ZC3H3: variants seen among roughly 807,000 people sequenced by gnomAD.
ZC3H3 encodes the protein zinc finger CCCH-type containing 3, also known as zinc finger CCCH domain-containing protein 3.
Under a neutral mutation model 77.3 loss-of-function variants are expected in ZC3H3, and 36 were observed. That is an observed-to-expected ratio of 0.47 (90% CI 0.36 to 0.61). ZC3H3 has a LOEUF of 0.61. ZC3H3 is among the 20% of genes least tolerant of loss of function. The pLI, the probability that ZC3H3 is intolerant of heterozygous loss-of-function variation, is 0.00. For missense variants in ZC3H3, 1,331 were observed against 1,312.2 expected, an observed-to-expected ratio of 1.01 and a Z score of -0.22; for synonymous variants, 626 against 555.2, an observed-to-expected ratio of 1.13 and a Z score of -1.79.
intron 3 of ZC3H3, among the ~76,000 whole-genome samples, chr8:143,522,764 G>A (rs1423201976): frequency 6.6e-6 from 1 of 152,024 alleles, no homozygotes; most frequent in Non-Finnish European, 1.5e-5. Flanking sequence ...ACAAAAAAAA[G>A]AAATACAAAA....
At chr8:143,488,515 C>T (rs1014451687) in intron 4 of ZC3H3, among the ~76,000 whole-genome samples, 6 of 151,434 alleles carry the variant, frequency 4.0e-5, no homozygotes, top group South Asian at 2.1e-4. Flanking sequence ...CCCATCACCA[C>T]GAAGCTCAGA....
chr8:143,530,072 C>T lies in ZC3H3; in HGVS notation c.1561+6185G>A, dbSNP rs775280470. The stretch of plus-strand genomic sequence containing the variant: ...TGAGGGACGGGTAGGAATCGCCCTC[C>T]GTGTGTACAGCAAGCTCTGGGCCAG... On this transcript the variant is annotated intron_variant, in intron 3 of 11. Coordinates refer to ENST00000262577, the MANE Select transcript of ZC3H3 (RefSeq NM_015117.3). This position sits in a 1 kb window ranked among gnomAD's most constrained non-coding sequence, Gnocchi z 4.3. Among the ~76,000 whole-genome samples the T allele has an allele frequency of 2.6e-5, 4 of 152,334 alleles. No homozygotes were observed. The highest frequency in any genetic ancestry group is 6.5e-5 in the Admixed American group (1 of 15,310).
intron 4 of ZC3H3, among the ~76,000 whole-genome samples, chr8:143,507,234 T>C (rs59407222): frequency 6.4e-4 from 98 of 152,152 alleles, no homozygotes; most frequent in Non-Finnish European, 6.5e-4. Context: ...CCTCCCAGCC[T>C]GCATCGAGGT....
chr8:143,439,410 C>T (rs1015811718), intron 11 of ZC3H3, among the ~76,000 whole-genome samples: 1 of 152,184 alleles, frequency 6.6e-6, no homozygotes, highest in Non-Finnish European at 1.5e-5. Context: ...CGCCGAGCTG[C>T]GTGGGGTTTA....
chr8:143,446,070 A>C (rs1271595276), intron 9 of ZC3H3, among the ~76,000 whole-genome samples: 2 of 152,192 alleles, frequency 1.3e-5, no homozygotes, highest in Admixed American at 6.5e-5. Flanking sequence ...TCACGACAGG[A>C]GGGAGGGCTG....
At chr8:143,449,060 T>G (rs73367875) in intron 9 of ZC3H3, among the ~76,000 whole-genome samples, 3,312 of 152,290 alleles carry the variant, frequency 0.022, 114 homozygotes, top group African/African-American at 0.074. Context: ...ACGCAGATCC[T>G]GGGGCTGTGC....
In ZC3H3 at chr8:143,538,718, G is replaced by A. The variant is rs560861663; in HGVS notation, c.649C>T (p.Arg217Trp). 33 of 1,609,344 alleles carry A rather than the reference G, an allele frequency of 2.1e-5. No homozygotes were observed. Among genetic ancestry groups the A allele is most frequent in the Middle Eastern group, 1.7e-4 (1 of 6,060 alleles). ...GCAATCACACTCTCACTGACTGTCC[G>A]GCGGGGCTCCCGGGGGCTGTCGCCC... is the stretch of plus-strand genomic sequence containing the variant. ...SVGDSPREPR[R>W]TVSESVIAVK... The change falls in exon 2 of 12, where the codon CGG becomes TGG. Residue 217 changes from arginine (R) to tryptophan (W), a missense_variant. This residue lies in a region of ZC3H3 where 978 missense variants were observed against 915.5 expected (regional missense o/e 1.07). Transcript: ENST00000262577.
intron 3 of ZC3H3, among the ~76,000 whole-genome samples, chr8:143,512,155 G>A (rs1399684361): frequency 6.6e-6 from 1 of 152,242 alleles, no homozygotes; most frequent in Non-Finnish European, 1.5e-5. Flanking sequence ...AGCGAGCAGG[G>A]AAGGGGCTAG....
intron 1 of ZC3H3, 29 bp downstream of exon 1, chr8:143,541,347 A>C: frequency 1.9e-6 from 3 of 1,604,958 alleles, no homozygotes; most frequent in Non-Finnish European, 2.5e-6. Context: ...AAAGAAGGGG[A>C]CTCGCGTCCC....
intron 3 of ZC3H3, among the ~76,000 whole-genome samples, chr8:143,532,602 C>T (rs892324691): frequency 6.6e-6 from 1 of 152,258 alleles, no homozygotes; most frequent in Admixed American, 6.5e-5. Context: ...CTTGGCCACC[C>T]GGGAGGGCTG....
chr8:143,537,755 C>T (rs1237663496), intron 2 of ZC3H3, among the ~76,000 whole-genome samples: 2 of 152,192 alleles, frequency 1.3e-5, no homozygotes, highest in South Asian at 2.1e-4. Flanking sequence ...TGTCTCTCAC[C>T]GGCAGGAGAA....
At chr8:143,537,920 G>C (rs1020754075) in intron 2 of ZC3H3, 83 bp downstream of exon 2, 4 of 1,332,300 alleles carry the variant, frequency 3.0e-6, no homozygotes, top group Non-Finnish European at 4.1e-6. Flanking sequence ...GCAAAGCTCC[G>C]AGCTCAGCAG....
Position 143,448,091 on chromosome 8 carries a change from G to A in ZC3H3, c.2308-6971C>T, listed in dbSNP as rs527716672. 1.3e-4 allele frequency among the ~76,000 whole-genome samples: 19 copies of A among 151,874 alleles called. No individual in the cohort carries two copies. The East Asian group carries it at 1.7e-3, about 14-fold the overall frequency. On this transcript the variant is annotated intron_variant, in intron 9 of 11. Coordinates refer to ENST00000262577, the MANE Select transcript of ZC3H3 (RefSeq NM_015117.3). The stretch of plus-strand genomic sequence containing the variant: ...CGGTGAGCTGAGAGAGTGCCATTGC[G>A]CTCCAGCCTGGGCAAAAAGAGTGAA...
intron 3 of ZC3H3, among the ~76,000 whole-genome samples, chr8:143,519,737 T>G (rs1384702442): frequency 6.6e-6 from 1 of 152,170 alleles, no homozygotes; most frequent in Non-Finnish European, 1.5e-5. Flanking sequence ...TCAGGCCACC[T>G]GGGGACAACA....
chr8:143,511,841 G>C (rs1821878990), intron 3 of ZC3H3, among the ~76,000 whole-genome samples: 1 of 152,256 alleles, frequency 6.6e-6, no homozygotes, highest in African/African-American at 2.4e-5. Context: ...TGGGCTGCCA[G>C]CCCGAGAAAA....
In ZC3H3 at chr8:143,494,630, A is replaced by AG. The variant is rs1289483056; in HGVS notation, c.1715+13115dup. 6.6e-6 allele frequency among the ~76,000 whole-genome samples: 1 copy of AG among 151,500 alleles called. No individual in the cohort carries two copies. Among genetic ancestry groups the AG allele is most frequent in the Non-Finnish European group, 1.5e-5 (1 of 67,912 alleles). On this transcript the variant is annotated intron_variant, in intron 4 of 11. Coordinates refer to ENST00000262577, the MANE Select transcript of ZC3H3 (RefSeq NM_015117.3). The surrounding 1 kb of genome is among the most constrained non-coding windows in gnomAD (Gnocchi z 5.3). ...CAGGAGGGAAGCGGCAGGTCGGGGG[A>AG]GGGGGGTGCTGTGGGCAGACACACG...
At position 143,521,718 on chromosome 8, in the gene ZC3H3, C is replaced by A. The variant is rs529776948; in HGVS notation, c.1562-13819G>T. On this transcript the variant is annotated intron_variant, in intron 3 of 11. Coordinates refer to ENST00000262577, the MANE Select transcript of ZC3H3 (RefSeq NM_015117.3). ...TGAGGCCAGGACTCAGCCCCTCCCC[C>A]ACCAGTGCACCTGCCTGGGGCTCTC... Among the ~76,000 whole-genome samples the A allele has an allele frequency of 1.4e-4, 22 of 152,348 alleles. 1 individual carries two copies. In the South Asian group the frequency reaches 1.9e-3, roughly 13 times the overall value.
At chr8:143,473,339 CT>C (rs1253747705) in intron 5 of ZC3H3, among the ~76,000 whole-genome samples, 2 of 152,200 alleles carry the variant, frequency 1.3e-5, no homozygotes, top group African/African-American at 4.8e-5. Flanking sequence ...CAGTTTTCAG[CT>C]CATGAGAAAG....
intron 4 of ZC3H3, among the ~76,000 whole-genome samples, chr8:143,489,488 C>T (rs572356411): frequency 3.3e-5 from 5 of 152,230 alleles, no homozygotes; most frequent in East Asian, 1.9e-4. Context: ...CCCCGCCCAC[C>T]GCCCTGGCCA....
Sources: gnomAD v4.1 joint callset for allele counts (sites outside exome capture counted in the v4.1 genomes callset) on GRCh38, gnomAD v4.1.1 for gene constraint, gnomAD v4.1.1 regional missense constraint, Gnocchi (gnomAD v3.1) non-coding constraint, MANE v1.5 for transcripts, NCBI Gene and HGNC (gene_info 2026-07-23, HGNC 2026-07-21) for gene names.